CNBD1: variants seen among roughly 807,000 people sequenced by gnomAD.
CNBD1 encodes cyclic nucleotide binding domain containing 1.
In CNBD1, 71 loss-of-function variants were observed where a neutral mutation model predicts 54.4. That is an observed-to-expected ratio of 1.30 (90% confidence interval 1.08 to 1.59). CNBD1 has a LOEUF of 1.59. Ranked by LOEUF, CNBD1 falls within the 40% of genes most tolerant of loss-of-function variation. The pLI is 0.00. For missense variants in CNBD1, 659 were observed against 518.0 expected, an observed-to-expected ratio of 1.27 and a Z score of -2.64; for synonymous variants, 182 against 170.7, an observed-to-expected ratio of 1.07 and a Z score of -0.51.
At chr8:87,282,190 C>T (rs1363841708) in intron 6 of CNBD1, among the ~76,000 whole-genome samples, 1 of 151,108 alleles carries the variant, frequency 6.6e-6, no homozygotes, top group Non-Finnish European at 1.5e-5. Context: ...TTTTTCTTTC[C>T]TAGCCCAAGA....
At chr8:87,153,728 G>C (rs998727170) in intron 4 of CNBD1, among the ~76,000 whole-genome samples, 1 of 152,214 alleles carries the variant, frequency 6.6e-6, no homozygotes, top group South Asian at 2.1e-4. Flanking sequence ...AGATACATGA[G>C]TGAGCAGAGT....
At chr8:87,370,954 A>G (rs1336306545) in intron 10 of CNBD1, among the ~76,000 whole-genome samples, 2 of 151,132 alleles carry the variant, frequency 1.3e-5, no homozygotes, top group African/African-American at 2.5e-5. Context: ...ATGGCTAGCC[A>G]GTTTTCCCAG....
At chr8:87,020,354 A>G (rs1252621628) in intron 4 of CNBD1, among the ~76,000 whole-genome samples, 2 of 152,110 alleles carry the variant, frequency 1.3e-5, no homozygotes, top group Non-Finnish European at 2.9e-5. Flanking sequence ...CAATCAGACT[A>G]CATGGGAATA....
chr8:87,168,220 A>C (rs1813006742), intron 4 of CNBD1, among the ~76,000 whole-genome samples: 1 of 152,048 alleles, frequency 6.6e-6, no homozygotes, highest in Admixed American at 6.6e-5. Context: ...TGCTAGAAGA[A>C]TAAATATATG....
chr8:87,264,185 C>A (rs879868920), intron 6 of CNBD1, among the ~76,000 whole-genome samples: 25 of 150,378 alleles, frequency 1.7e-4, no homozygotes, highest in Non-Finnish European at 3.2e-4. Flanking sequence ...GTGTGATGTT[C>A]CCCTTCCTGT....
intron 4 of CNBD1, among the ~76,000 whole-genome samples, chr8:86,967,160 C>T (rs75756750): frequency 2.0e-5 from 3 of 152,174 alleles, no homozygotes; most frequent in African/African-American, 7.2e-5. Flanking sequence ...CACCCTTGAG[C>T]CTGCAGAAAA....
intron 4 of CNBD1, among the ~76,000 whole-genome samples, chr8:87,161,270 T>C (rs1812851689): frequency 6.6e-6 from 1 of 152,116 alleles, no homozygotes; most frequent in Admixed American, 6.6e-5. Flanking sequence ...TTACCCTTTA[T>C]GCATATAATA....
At chr8:87,119,990 A>G (rs1345533286) in intron 4 of CNBD1, among the ~76,000 whole-genome samples, 1 of 152,026 alleles carries the variant, frequency 6.6e-6, no homozygotes, top group East Asian at 1.9e-4. Context: ...TATTTTGTTG[A>G]GAATCTTTGT....
chr8:87,131,370 A>G (rs1183313833), intron 4 of CNBD1, among the ~76,000 whole-genome samples: 1 of 152,090 alleles, frequency 6.6e-6, no homozygotes, highest in Non-Finnish European at 1.5e-5. Flanking sequence ...TGGTTGCTCC[A>G]AGGCATAAAA....
chr8:86,897,810 T>C (rs1808870139), intron 2 of CNBD1, among the ~76,000 whole-genome samples: 1 of 152,144 alleles, frequency 6.6e-6, no homozygotes, highest in Non-Finnish European at 1.5e-5. Context: ...AGAGAGTGCA[T>C]TATGTGTTTA....
Position 87,045,847 on chromosome 8 carries a change from C to A in CNBD1, c.431+106093C>A, listed in dbSNP as rs564353261. On this transcript the variant is annotated intron_variant, in intron 4 of 10. Coordinates refer to ENST00000518476, the MANE Select transcript of CNBD1 (RefSeq NM_173538.3). ...ACGAGGTCAGGACATTGAGACCATC[C>A]TGGCGAACATCGTGAAACCCCGTCT... Among the ~76,000 whole-genome samples, 578 of 151,966 alleles carry A rather than the reference C, an allele frequency of 3.8e-3. 3 individuals carry two copies. The highest frequency in any genetic ancestry group is 0.013 in the African/African-American group (521 of 41,434).
intron 3 of CNBD1, among the ~76,000 whole-genome samples, chr8:86,930,202 G>A (rs746268296): frequency 3.3e-5 from 5 of 152,192 alleles, no homozygotes; most frequent in Admixed American, 6.5e-5. Flanking sequence ...TTACAGCAAG[G>A]ACAAGCCAGT....
chr8:86,925,876 T>C lies in CNBD1; in HGVS notation c.273-13720T>C, dbSNP rs143546905. ...ACTTGGCAGTGAGTGTTACAGCTCT[T>C]AAAGATGGCAGGAACCCAAAGAGGG... On this transcript the variant is annotated intron_variant, in intron 3 of 10. Transcript: ENST00000518476. Among the ~76,000 whole-genome samples, 951 of 152,150 alleles carry C rather than the reference T, an allele frequency of 6.3e-3. 20 individuals are homozygous for C. Among genetic ancestry groups the C allele is most frequent in the African/African-American group, 0.022 (902 of 41,500 alleles).
rs1563526038 is a variant in CNBD1, at chr8:87,256,001, ATATATATATATATAT to A, written c.771+18891_771+18905del. On this transcript the variant is annotated intron_variant, in intron 6 of 10. Coordinates refer to ENST00000518476, the MANE Select transcript of CNBD1 (RefSeq NM_173538.3). Reference sequence around the variant, plus strand: ...TATATATATATATATATATATATATATATATATATATATATTTTTTTTTTTTTTTTTTTTTTTTTG... The same window carrying A: ...TATATATATATATATATATATATATATTTTTTTTTTTTTTTTTTTTTTTTG... Among the ~76,000 whole-genome samples, 15 of 16,514 alleles carry A rather than the reference ATATATATATATATAT, an allele frequency of 9.1e-4. 1 individual carries two copies. The highest frequency in any genetic ancestry group is 5.5e-3 in the Admixed American group (6 of 1,092). 10.8% of individuals were successfully genotyped at this position (16,514 alleles called of 152,430 possible).
At chr8:87,114,158 A>T (rs1811723707) in intron 4 of CNBD1, among the ~76,000 whole-genome samples, 1 of 152,224 alleles carries the variant, frequency 6.6e-6, no homozygotes, top group Admixed American at 6.5e-5. Flanking sequence ...TTATTGATGA[A>T]ATGATACATG....
chr8:86,876,172 TGTGTGTGTGTTTGTG>T, intron 1 of CNBD1, among the ~76,000 whole-genome samples: 1 of 88,748 alleles, frequency 1.1e-5, no homozygotes, highest in South Asian at 4.4e-4. Context: ...TTGATACCTG[TGTGTGTGTGTTTGTG>T]TGTGTGTGTG....
intron 2 of CNBD1, among the ~76,000 whole-genome samples, chr8:87,422,917 T>C (rs1389356103): frequency 2.6e-5 from 4 of 152,070 alleles, no homozygotes; most frequent in East Asian, 1.9e-4. Flanking sequence ...CATGGAATGT[T>C]CTTCCGTTTG....
intron 5 of CNBD1, among the ~76,000 whole-genome samples, chr8:87,221,516 T>C (rs1814339048): frequency 6.6e-6 from 1 of 152,144 alleles, no homozygotes; most frequent in Non-Finnish European, 1.5e-5. Context: ...CAAAATTGTA[T>C]CTACATTTCA....
At chr8:86,915,382 G>A (rs1300187612) in intron 3 of CNBD1, among the ~76,000 whole-genome samples, 1 of 152,184 alleles carries the variant, frequency 6.6e-6, no homozygotes, top group Non-Finnish European at 1.5e-5. Context: ...TAGTGGCTGG[G>A]AATTGCTTAT....
Sources: gnomAD v4.1 joint callset for allele counts (sites outside exome capture counted in the v4.1 genomes callset) on GRCh38, gnomAD v4.1.1 for gene constraint, MANE v1.5 for transcripts, NCBI Gene and HGNC (gene_info 2026-07-23, HGNC 2026-07-21) for gene names.